Variants in FAR2 observed in about 807,000 individuals in gnomAD.
The protein encoded by FAR2 is fatty acyl-CoA reductase 2, also known as epididymis secretory protein Li 81.
FAR2 carries 19 observed loss-of-function variants against 56.0 expected under a neutral mutation model. The observed-to-expected ratio is 0.34, with a 90% CI of 0.24 to 0.50. The LOEUF (loss-of-function observed/expected upper bound fraction) is 0.50, where lower values mean the gene tolerates loss of function less well. Among genes scored for constraint, FAR2 ranks in the 20% least tolerant of loss-of-function variants. FAR2 has a pLI of 0.98. For synonymous variants in FAR2, 219 were observed against 218.8 expected, an observed-to-expected ratio of 1.00 and a Z score of -0.01; for missense variants, 508 against 642.2, an observed-to-expected ratio of 0.79 and a Z score of 2.26.
chr12:29,225,194 C>T lies in FAR2; in HGVS notation c.-38-45218C>T, dbSNP rs542135982. Among the ~76,000 whole-genome samples the T allele has an allele frequency of 3.9e-5, 6 of 152,200 alleles. 1 individual carries two copies. The Middle Eastern group carries it at 0.02, about 518-fold the overall frequency. ...GAGGCTCCAGTGACCTGTAATGGTG[C>T]CACTGTACTCCAATCTGGGTGGCAG... On this transcript the variant is annotated intron_variant, in intron 1 of 11. Coordinates refer to ENST00000536681, the MANE Select transcript of FAR2 (RefSeq NM_001271783.2).
At chr12:29,167,371 T>C (rs1949839568) in intron 1 of FAR2, among the ~76,000 whole-genome samples, 1 of 152,172 alleles carries the variant, frequency 6.6e-6, no homozygotes. Context: ...CCAACCTCCC[T>C]CTTTTCCTTC....
intron 8 of FAR2, 78 bp from the exon 9 acceptor site, chr12:29,316,763 C>T: frequency 7.4e-7 from 1 of 1,360,116 alleles, no homozygotes; most frequent in Non-Finnish European, 1.0e-6. Flanking sequence ...ATTGTTTTGA[C>T]CCATTACAAA....
chr12:29,276,658 C>A (rs1948707553), intron 2 of FAR2, among the ~76,000 whole-genome samples: 1 of 152,120 alleles, frequency 6.6e-6, no homozygotes, highest in Non-Finnish European at 1.5e-5. Context: ...GGATAAAGCT[C>A]TGTGCAAATA....
chr12:29,166,198 A>G (rs1363339823), intron 1 of FAR2, among the ~76,000 whole-genome samples: 1 of 152,252 alleles, frequency 6.6e-6, no homozygotes, highest in African/African-American at 2.4e-5. Context: ...AGAGTTGCTG[A>G]TATATTAATA....
intron 1 of FAR2, among the ~76,000 whole-genome samples, chr12:29,266,647 A>G (rs1228341799): frequency 2.6e-5 from 4 of 152,126 alleles, no homozygotes; most frequent in Admixed American, 1.3e-4. Flanking sequence ...AAAGAATATA[A>G]TTGGGTTGTT....
chr12:29,288,353 A>C (rs1479124557), intron 2 of FAR2, among the ~76,000 whole-genome samples: 1 of 152,190 alleles, frequency 6.6e-6, no homozygotes. Flanking sequence ...CATCAAGTAG[A>C]GAATATGAGT....
chr12:29,272,841 G>A (rs576359646), intron 2 of FAR2, among the ~76,000 whole-genome samples: 61 of 152,234 alleles, frequency 4.0e-4, no homozygotes, highest in African/African-American at 1.4e-3. Context: ...TGTTGTTGTT[G>A]TTCTTGATGT....
chr12:29,317,015 G>A lies in FAR2; in HGVS notation c.1127+3G>A. ...CGGCTCACTGGAAGGAAGCCCAGGT[G>A]AGAAGCTGAGTCAATGGCTTTGAGA... On this transcript the variant is annotated splice_donor_region_variant and intron_variant, in intron 9 of 11. Transcript: ENST00000536681. 1.2e-6 allele frequency: 2 copies of A among 1,611,126 alleles called. No individual in the cohort carries two copies. Among genetic ancestry groups the A allele is most frequent in the South Asian group, 1.1e-5 (1 of 90,948 alleles).
chr12:29,329,576 A>G lies in FAR2; in HGVS notation c.1258-3024A>G, dbSNP rs558376059. The stretch of plus-strand genomic sequence containing the variant: ...ATCAAACTTAGAAATGTTAAACACT[A>G]TAAAAATAAAAGCCTCTGCTTATAT... On this transcript the variant is annotated intron_variant, in intron 10 of 11. Coordinates refer to ENST00000536681, the MANE Select transcript of FAR2 (RefSeq NM_001271783.2). 2.0e-5 allele frequency among the ~76,000 whole-genome samples: 3 copies of G among 152,332 alleles called. No homozygotes were observed. The South Asian group carries it at 6.2e-4, about 32-fold the overall frequency.
rs185014815 is a variant in FAR2, at chr12:29,259,063, C to A, written c.-38-11349C>A. 5.5e-4 allele frequency among the ~76,000 whole-genome samples: 83 copies of A among 152,238 alleles called. 1 individual carries two copies. In the East Asian group the frequency reaches 0.016, roughly 29 times the overall value. ...TCATGTTTGTACTTAGCTTCATAGG[C>A]AGAAATTTAAGTCTTGAATTTGGAC... On this transcript the variant is annotated intron_variant, in intron 1 of 11. Transcript: ENST00000536681.
chr12:29,247,122 T>G (rs752171389), intron 1 of FAR2, among the ~76,000 whole-genome samples: 2 of 152,166 alleles, frequency 1.3e-5, no homozygotes, highest in Non-Finnish European at 2.9e-5. Context: ...ATCAGTAACT[T>G]CCATTAGGAA....
At chr12:29,230,013 A>C (rs1468962764) in intron 1 of FAR2, among the ~76,000 whole-genome samples, 4 of 152,290 alleles carry the variant, frequency 2.6e-5, no homozygotes, top group South Asian at 4.1e-4. Flanking sequence ...AGTGAACAAA[A>C]CAAATTCCTT....
At chr12:29,253,263 A>T (rs202200773) in intron 1 of FAR2, among the ~76,000 whole-genome samples, 2,759 of 28,570 alleles carry the variant, frequency 0.097, 267 homozygotes, top group African/African-American at 0.24. Context: ...ATCTATCTAG[A>T]TAGATATCTA....
chr12:29,159,431 G>A (rs1000589488), intron 1 of FAR2, among the ~76,000 whole-genome samples: 3 of 151,518 alleles, frequency 2.0e-5, no homozygotes, highest in Non-Finnish European at 2.9e-5. Flanking sequence ...CCAGCTACTC[G>A]GGAGGCTGAG....
chr12:29,153,254 C>T (rs548398546), intron 1 of FAR2, among the ~76,000 whole-genome samples: 1 of 152,190 alleles, frequency 6.6e-6, no homozygotes, highest in South Asian at 2.1e-4. Context: ...GCACTGACTC[C>T]GTTTTGGTGT....
In FAR2 at chr12:29,334,853, C is replaced by T. The variant is rs1949775338; in HGVS notation, c.*1059C>T. Reference sequence around the variant, plus strand: ...ACAGCAGAAAAGTGAATAGACTTCACTAAGGGATTCTAAGTTTAGAAAATA... The same window carrying T: ...ACAGCAGAAAAGTGAATAGACTTCATTAAGGGATTCTAAGTTTAGAAAATA... On this transcript the variant is annotated 3_prime_UTR_variant, in exon 12 of 12. Transcript: ENST00000536681. 6.6e-6 allele frequency: 1 copy of T among 152,126 alleles called. No individual in the cohort carries two copies. The highest frequency in any genetic ancestry group is 2.4e-5 in the African/African-American group (1 of 41,416). 9.4% of individuals were successfully genotyped at this position (152,126 alleles called of 1,614,324 possible). A position where few individuals can be genotyped will look rare whatever the true frequency, so the allele number is the denominator to read the frequency against.
chr12:29,188,751 T>TTTTG (rs1452503317), intron 1 of FAR2, among the ~76,000 whole-genome samples: 160 of 152,230 alleles, frequency 1.1e-3, no homozygotes, highest in African/African-American at 3.6e-3. Flanking sequence ...TTTCTTGTTT[T>TTTTG]TTTGTTTGTT....
At chr12:29,330,688 C>T (rs1019705850) in intron 10 of FAR2, among the ~76,000 whole-genome samples, 1 of 152,128 alleles carries the variant, frequency 6.6e-6, no homozygotes, top group Non-Finnish European at 1.5e-5. Flanking sequence ...TAAATATAGA[C>T]TCTGGAGGAA....
chr12:29,200,232 A>G lies in FAR2; in HGVS notation c.-39+50825A>G, dbSNP rs144749881. On this transcript the variant is annotated intron_variant, in intron 1 of 11. Transcript: ENST00000536681. ...TCATTATAATGAATTTATGAAGATT[A>G]CAGTGTGAATGGTACTCCCTGGTGC... Among the ~76,000 whole-genome samples the G allele has an allele frequency of 1.9e-3, 288 of 152,290 alleles. 2 individuals are homozygous for G. Among genetic ancestry groups the G allele is most frequent in the African/African-American group, 6.8e-3 (281 of 41,560 alleles).
Sources: gnomAD v4.1 joint callset for allele counts (sites outside exome capture counted in the v4.1 genomes callset) on GRCh38, gnomAD v4.1.1 for gene constraint, MANE v1.5 for transcripts, NCBI Gene and HGNC (gene_info 2026-07-23, HGNC 2026-07-21) for gene names.